The following MYH9 variants were observed in gnomAD, a reference collection of about 807,000 sequenced individuals.
The protein encoded by MYH9 is myosin heavy chain 9, also known as myosin-9.
MYH9 carries 29 observed loss-of-function variants against 241.9 expected under a neutral mutation model. That is an observed-to-expected ratio of 0.12 (90% CI 0.09 to 0.16). MYH9 has a LOEUF of 0.16. Ranked by LOEUF, MYH9 falls within the 10% of genes least tolerant of loss-of-function variation. MYH9 has a pLI of 1.00. For missense variants in MYH9, 1,803 were observed against 2,595.5 expected, an observed-to-expected ratio of 0.69 and a Z score of 6.63; for synonymous variants, 1,047 against 1,062.6, an observed-to-expected ratio of 0.99 and a Z score of 0.29.
chr22:36,334,800 T>C (rs1303941284), intron 3 of MYH9, among the ~76,000 whole-genome samples: 2 of 152,146 alleles, frequency 1.3e-5, no homozygotes, highest in Non-Finnish European at 2.9e-5. Context: ...CTTCTTACCA[T>C]GGCCCTGCCC....
chr22:36,313,433 C>A (rs1421497316), intron 13 of MYH9, among the ~76,000 whole-genome samples: 39 of 114,742 alleles, frequency 3.4e-4, no homozygotes, highest in Admixed American at 9.5e-4. Context: ...GCCTGGGCGA[C>A]AGAGCGAGAC....
intron 1 of MYH9, among the ~76,000 whole-genome samples, chr22:36,350,498 T>C (rs372702395): frequency 6.6e-6 from 1 of 152,118 alleles, no homozygotes. Flanking sequence ...GATTGTGCCA[T>C]GGCACTCCAG....
At position 36,348,837 on chromosome 22, in the gene MYH9, A is replaced by T. The variant is rs1468504783; in HGVS notation, c.333+67T>A. On this transcript the variant is annotated intron_variant, in intron 2 of 40. Transcript: ENST00000216181. ...CCAGGCACGTGAGGGTGATGGGAAG[A>T]CCCGCCCCCCCCCCCCACCTCGGAG... 1.9e-5 allele frequency: 10 copies of T among 539,126 alleles called. No homozygotes were observed. The African/African-American group carries it at 2.0e-4, about 11-fold the overall frequency. 33.4% of individuals were successfully genotyped at this position (539,126 alleles called of 1,614,324 possible).
chr22:36,382,497 T>C (rs2018274902), intron 1 of MYH9, among the ~76,000 whole-genome samples: 1 of 141,458 alleles, frequency 7.1e-6, no homozygotes. Context: ...AAAGAGTGCC[T>C]AGGAAATTAA....
At chr22:36,381,390 A>G (rs903121596) in intron 1 of MYH9, among the ~76,000 whole-genome samples, 1 of 151,704 alleles carries the variant, frequency 6.6e-6, no homozygotes, top group Admixed American at 6.6e-5. Flanking sequence ...AGTGGCGCAC[A>G]CCTGTAATCC....
chr22:36,344,862 T>C (rs956959001), intron 2 of MYH9, among the ~76,000 whole-genome samples: 1 of 152,190 alleles, frequency 6.6e-6, no homozygotes, highest in African/African-American at 2.4e-5. Context: ...TTTTAATTCA[T>C]ATCCAGCAGA....
intron 1 of MYH9, among the ~76,000 whole-genome samples, chr22:36,349,981 C>T (rs1413890912): frequency 6.6e-6 from 1 of 152,192 alleles, no homozygotes; most frequent in East Asian, 1.9e-4. Context: ...GTTTAAAAAA[C>T]TTGTTATTAG....
rs147939985 is a variant in MYH9, at chr22:36,356,699, T to C, written c.-19-7444A>G. On this transcript the variant is annotated intron_variant, in intron 1 of 40. Coordinates refer to ENST00000216181, the MANE Select transcript of MYH9 (RefSeq NM_002473.6). ...TCAACTAATACATAGAGAATCCACA[T>C]GCAAAAAAATCATGACAAAGGCATA... 4.2e-4 allele frequency among the ~76,000 whole-genome samples: 64 copies of C among 151,486 alleles called. 1 individual carries two copies. Among genetic ancestry groups the C allele is most frequent in the Middle Eastern group, 6.8e-3 (2 of 292 alleles).
rs186278149 is a variant in MYH9 at position 36,365,506 on chromosome 22, G to A, written c.-19-16251C>T. Among the ~76,000 whole-genome samples, 823 of 151,878 alleles carry A rather than the reference G, an allele frequency of 5.4e-3. 6 individuals carry two copies. The highest frequency in any genetic ancestry group is 8.0e-3 in the Non-Finnish European group (545 of 67,956). ...TTTTTTGAGACAGAGTCTCACCGTC[G>A]CCCAGGCTGGAGTGCAGTGGCACAA... On this transcript the variant is annotated intron_variant, in intron 1 of 40. Transcript: ENST00000216181.
Position 36,284,751 on chromosome 22 carries a change from G to A in MYH9, c.5484-240C>T, listed in dbSNP as rs149543269. Among the ~76,000 whole-genome samples the A allele has an allele frequency of 3.3e-5, 5 of 152,330 alleles. No individual in the cohort carries two copies. In the East Asian group the frequency reaches 7.7e-4, roughly 24 times the overall value. On this transcript the variant is annotated intron_variant, in intron 38 of 40. Transcript: ENST00000216181. The stretch of plus-strand genomic sequence containing the variant: ...GCGACACACCTCAAAGAGCATCTAT[G>A]TAACTGGAAAAGAGGTCTGGGGGCC...
intron 1 of MYH9, among the ~76,000 whole-genome samples, chr22:36,368,016 C>T (rs2018036751): frequency 6.6e-6 from 1 of 151,950 alleles, no homozygotes; most frequent in Admixed American, 6.6e-5. Flanking sequence ...CACACACACA[C>T]ACATGCCTGC....
intron 3 of MYH9, among the ~76,000 whole-genome samples, chr22:36,334,763 C>T (rs931509451): frequency 2.0e-5 from 3 of 152,176 alleles, no homozygotes; most frequent in Admixed American, 6.5e-5. Flanking sequence ...AGGTACTTAT[C>T]GCAGGCATCA....
intron 18 of MYH9, 39 bp from the exon 19 acceptor site, chr22:36,304,194 T>C: frequency 1.9e-6 from 3 of 1,610,256 alleles, no homozygotes; most frequent in Non-Finnish European, 2.5e-6. Context: ...GGCCAGCAAC[T>C]GGCCACAGCT....
chr22:36,314,414 A>G, intron 12 of MYH9, 96 bp from the exon 13 acceptor site: 2 of 1,480,234 alleles, frequency 1.4e-6, no homozygotes, highest in Non-Finnish European at 1.9e-6. Flanking sequence ...GGATACAGGA[A>G]GGGCCTCCTT....
chr22:36,304,288 A>T, intron 18 of MYH9, 133 bp from the exon 19 acceptor site: 1 of 919,808 alleles, frequency 1.1e-6, no homozygotes, highest in South Asian at 1.4e-5. Context: ...GAGAGCAGAA[A>T]GCCATCTCCT....
intron 21 of MYH9, 97 bp downstream of exon 21, chr22:36,301,437 T>TA: frequency 6.6e-7 from 1 of 1,525,638 alleles, no homozygotes; most frequent in South Asian, 1.1e-5. Flanking sequence ...ACTCCTATAG[T>TA]AATAGAAACT....
intron 1 of MYH9, among the ~76,000 whole-genome samples, chr22:36,361,114 T>C (rs755143617): frequency 6.6e-6 from 1 of 152,042 alleles, no homozygotes; most frequent in Non-Finnish European, 1.5e-5. Flanking sequence ...AGTGGGGGGC[T>C]CCTCCCAGCT....
At chr22:36,319,475 C>G in intron 10 of MYH9, 65 bp downstream of exon 10, 1 of 1,491,516 alleles carries the variant, frequency 6.7e-7, no homozygotes, top group Non-Finnish European at 9.3e-7. Context: ...AAGACCTTCC[C>G]TCCTGAGCAA....
At position 36,316,365 on chromosome 22, in the gene MYH9, AAAAC is replaced by A; in HGVS notation, c.1380+148_1380+151del. The A allele has an allele frequency of 3.4e-6, 4 of 1,159,710 alleles. No homozygotes were observed. In the South Asian group the frequency reaches 4.0e-5, roughly 12 times the overall value. 71.8% of individuals were successfully genotyped at this position (1,159,710 alleles called of 1,614,324 possible). A position where few individuals can be genotyped will look rare whatever the true frequency, so the allele number is the denominator to read the frequency against. ...CTATCTTTTAAAAAAGAAAAAAAAA[AAAAC>A]AACCCCACACCCAACCAAAGTCTTC... On this transcript the variant is annotated intron_variant, in intron 12 of 40. Transcript: ENST00000216181.
Sources: gnomAD v4.1 joint callset for allele counts (sites outside exome capture counted in the v4.1 genomes callset) on GRCh38, gnomAD v4.1.1 for gene constraint, MANE v1.5 for transcripts, NCBI Gene and HGNC (gene_info 2026-07-23, HGNC 2026-07-21) for gene names.